The following ACMSD variants were observed in gnomAD, a reference collection of about 807,000 sequenced individuals.
The protein encoded by ACMSD is aminocarboxymuconate semialdehyde decarboxylase.
A neutral mutation model predicts 45.9 loss-of-function variants in ACMSD; 37 were observed. The ratio of observed to expected loss-of-function variants is 0.81; its 90% CI spans 0.62 to 1.06. ACMSD has a LOEUF of 1.06. Among genes scored for constraint, ACMSD ranks in the 50% least tolerant of loss-of-function variants. ACMSD has a pLI of 0.00. For synonymous variants in ACMSD, 138 were observed against 148.8 expected (o/e 0.93, Z 0.53); for missense variants, 434 against 420.9 (o/e 1.03, Z -0.27).
rs747265677 is a variant in ACMSD, at chr2:134,870,980, C to A, written c.596C>A (p.Thr199Asn). 1 of 1,614,046 alleles carries A rather than the reference C, an allele frequency of 6.2e-7. No homozygotes were observed. Reference sequence around the variant, plus strand: ...CCTCTTTCAGGAATGCCAGCAGAGACCACCATAGCCATTTGCTCCATGATC... The same window carrying A: ...CCTCTTTCAGGAATGCCAGCAGAGAACACCATAGCCATTTGCTCCATGATC... The part of the protein sequence containing the change: ...LPWLVGMPAE[T>N]TIAICSMIMG... The change falls in exon 7 of 10, where the codon ACC (threonine) becomes AAC (asparagine). Residue 199 changes from threonine to asparagine, a missense_variant. Transcript: ENST00000356140.
At chr2:134,886,246 A>ATTATTATTTTTTTTT in intron 8 of ACMSD, among the ~76,000 whole-genome samples, 2 of 115,476 alleles carry the variant, frequency 1.7e-5, no homozygotes, top group African/African-American at 7.2e-5. Context: ...TATTATTATT[A>ATTATTATTTTTTTTT]TTTTTTTTTT....
chr2:134,882,549 T>C (rs1689099887), intron 8 of ACMSD, among the ~76,000 whole-genome samples: 1 of 152,270 alleles, frequency 6.6e-6, no homozygotes, highest in Non-Finnish European at 1.5e-5. Flanking sequence ...TTTGTTTAAC[T>C]GAATTGTATA....
intron 8 of ACMSD, among the ~76,000 whole-genome samples, chr2:134,897,414 G>GT (rs1397345395): frequency 6.6e-6 from 1 of 151,854 alleles, no homozygotes; most frequent in South Asian, 2.1e-4. Context: ...TTCAGCATAT[G>GT]TAAGTATTCT....
At chr2:134,847,961 C>T (rs1379612556) in intron 2 of ACMSD, among the ~76,000 whole-genome samples, 1 of 152,020 alleles carries the variant, frequency 6.6e-6, no homozygotes, top group African/African-American at 2.4e-5. Flanking sequence ...AAGTGATTCT[C>T]CTGCCTCAGG....
intron 2 of ACMSD, among the ~76,000 whole-genome samples, chr2:134,854,780 G>C (rs1450407689): frequency 2.0e-5 from 3 of 151,652 alleles, no homozygotes; most frequent in Non-Finnish European, 4.4e-5. Context: ...GATGTTGGAT[G>C]GCCACAAGCA....
intron 8 of ACMSD, among the ~76,000 whole-genome samples, chr2:134,874,742 C>T (rs886212263): frequency 6.6e-6 from 1 of 152,118 alleles, no homozygotes; most frequent in Non-Finnish European, 1.5e-5. Flanking sequence ...GGCAGATAAT[C>T]ACTGTATATT....
At chr2:134,849,538 C>T (rs1187381277) in intron 2 of ACMSD, among the ~76,000 whole-genome samples, 2 of 152,116 alleles carry the variant, frequency 1.3e-5, no homozygotes, top group African/African-American at 4.8e-5. Flanking sequence ...TCCTATGTTC[C>T]TTTAGTGAAG....
intron 2 of ACMSD, among the ~76,000 whole-genome samples, chr2:134,854,596 C>T (rs1687493358): frequency 6.6e-6 from 1 of 152,236 alleles, no homozygotes; most frequent in African/African-American, 2.4e-5. Context: ...CCTCACATTG[C>T]TCACTTCCAG....
At chr2:134,898,589 TA>T (rs1235603790) in intron 9 of ACMSD, 150 bp downstream of exon 9, 2 of 475,374 alleles carry the variant, frequency 4.2e-6, no homozygotes, top group Non-Finnish European at 7.3e-6. Context: ...CATAAATAGC[TA>T]AACTATTAAA....
intron 3 of ACMSD, among the ~76,000 whole-genome samples, chr2:134,861,648 G>A (rs527631030): frequency 6.6e-6 from 1 of 152,292 alleles, no homozygotes; most frequent in Admixed American, 6.5e-5. Context: ...GACATGCTCT[G>A]TTGTGCATAA....
At chr2:134,845,926 T>C (rs1687034014) in intron 2 of ACMSD, among the ~76,000 whole-genome samples, 2 of 152,194 alleles carry the variant, frequency 1.3e-5, no homozygotes, top group Non-Finnish European at 2.9e-5. Context: ...CCAGCTGGCA[T>C]GCAGACATGA....
At chr2:134,855,515 A>C (rs1687541553) in intron 2 of ACMSD, among the ~76,000 whole-genome samples, 1 of 152,340 alleles carries the variant, frequency 6.6e-6, no homozygotes, top group African/African-American at 2.4e-5. Flanking sequence ...CTGCAGAAGA[A>C]GGCTAGGCCC....
chr2:134,865,484 T>C (rs1381256558), intron 5 of ACMSD, among the ~76,000 whole-genome samples: 1 of 152,204 alleles, frequency 6.6e-6, no homozygotes, highest in East Asian at 1.9e-4. Flanking sequence ...TGTGACTAGC[T>C]CGACCCATCA....
intron 2 of ACMSD, among the ~76,000 whole-genome samples, chr2:134,847,425 T>G (rs1248856971): frequency 6.6e-6 from 1 of 151,320 alleles, no homozygotes; most frequent in Admixed American, 6.6e-5. Flanking sequence ...GATAGATAGA[T>G]AGATAGATAG....
Position 134,872,493 on chromosome 2 carries a change from G to A in ACMSD, c.701G>A (p.Gly234Glu). The A allele has an allele frequency of 6.2e-7, 1 of 1,614,120 alleles. No individual in the cohort carries two copies. The change falls in exon 8 of 10, where the codon GGA becomes GAA. Residue 234 changes from glycine to glutamate, a missense_variant. Gly to Glu is a moderately conservative substitution (Grantham distance 98, BLOSUM62 -2). Coordinates refer to ENST00000356140, the MANE Select transcript of ACMSD (RefSeq NM_138326.3). Reference sequence around the variant, plus strand: ...GGTGGTGCCTTCCCCTTCACAGTGGGAAGAATCTCCCATGGATTCAGCATG... The same window carrying A: ...GGTGGTGCCTTCCCCTTCACAGTGGAAAGAATCTCCCATGGATTCAGCATG... ...HGGGAFPFTV[G>E]RISHGFSMRP...
chr2:134,870,097 G>A (rs750299376), intron 6 of ACMSD, among the ~76,000 whole-genome samples: 3 of 152,170 alleles, frequency 2.0e-5, no homozygotes, highest in East Asian at 1.9e-4. Flanking sequence ...GCCTAGCTCC[G>A]CAGCCTACAG....
chr2:134,845,471 T>C (rs1337764768), intron 2 of ACMSD, among the ~76,000 whole-genome samples, 194 bp downstream of exon 2: 1 of 151,076 alleles, frequency 6.6e-6, no homozygotes, highest in Non-Finnish European at 1.5e-5. Context: ...GAGTAGTATT[T>C]AGGAAGATAA....
chr2:134,872,891 C>A, intron 8 of ACMSD: 1 of 447,140 alleles, frequency 2.2e-6, no homozygotes. Context: ...ATCTACATGG[C>A]TGGGTATTCC....
intron 6 of ACMSD, among the ~76,000 whole-genome samples, chr2:134,869,634 G>T (rs1688321112): frequency 6.6e-6 from 1 of 151,926 alleles, no homozygotes; most frequent in South Asian, 2.1e-4. Flanking sequence ...AGGCACTGAG[G>T]ATATAGACAC....
Sources: gnomAD v4.1 joint callset for allele counts (sites outside exome capture counted in the v4.1 genomes callset) on GRCh38, gnomAD v4.1.1 for gene constraint, MANE v1.5 for transcripts, NCBI Gene and HGNC (gene_info 2026-07-23, HGNC 2026-07-21) for gene names.